NHSL1: variants seen among roughly 807,000 people sequenced by gnomAD.
NHSL1 encodes the protein NHS like 1.
In NHSL1, 48 loss-of-function variants were observed where a neutral mutation model predicts 95.0. The observed-to-expected ratio is 0.51, with a 90% CI of 0.40 to 0.64. The LOEUF (loss-of-function observed/expected upper bound fraction) is 0.64, where lower values mean the gene tolerates loss of function less well. Ranked by LOEUF, NHSL1 falls within the 30% of genes least tolerant of loss-of-function variation. The probability of loss-of-function intolerance (pLI) is 0.00; values close to 1 mark genes in which losing one functional copy is unlikely to be tolerated. For missense variants in NHSL1, 1,971 were observed against 2,077.7 expected, an observed-to-expected ratio of 0.95 and a Z score of 1.00; for synonymous variants, 783 against 833.9, an observed-to-expected ratio of 0.94 and a Z score of 1.05.
At position 138,649,845 on chromosome 6, in the gene NHSL1, C is replaced by T. The variant is rs535004881; in HGVS notation, c.96+42631G>A. ...GCTGACCTACAGGATGGGCTCTGGG[C>T]TGACTGGAGGGGTAGATAGGGTGGG... On this transcript the variant is annotated intron_variant, in intron 1 of 3. Transcript: ENST00000491526. Among the ~76,000 whole-genome samples the T allele has an allele frequency of 2.0e-5, 3 of 152,266 alleles. No homozygotes were observed. The South Asian group carries it at 6.2e-4, about 32-fold the overall frequency.
intron 1 of NHSL1, among the ~76,000 whole-genome samples, chr6:138,621,245 T>C (rs543959745): frequency 8.5e-5 from 13 of 152,334 alleles, no homozygotes; most frequent in Non-Finnish European, 1.5e-4. Flanking sequence ...AAACTGTCTA[T>C]AATAAGTATG....
chr6:138,459,771 A>G (rs574247506), intron 3 of NHSL1, among the ~76,000 whole-genome samples: 45 of 152,322 alleles, frequency 3.0e-4, no homozygotes, highest in Admixed American at 4.6e-4. Context: ...AATGGCCATT[A>G]AATTCTACCA....
At chr6:138,627,124 A>G (rs1352443947) in intron 1 of NHSL1, among the ~76,000 whole-genome samples, 1 of 152,214 alleles carries the variant, frequency 6.6e-6, no homozygotes, top group East Asian at 1.9e-4. Context: ...TCTATGCAAC[A>G]CTGCTCTCTG....
intron 1 of NHSL1, among the ~76,000 whole-genome samples, chr6:138,534,849 A>G (rs143513256): frequency 6.6e-6 from 1 of 152,328 alleles, no homozygotes; most frequent in East Asian, 1.9e-4. Flanking sequence ...GGAGCATCAA[A>G]CAAGAACACG....
chr6:138,527,252 T>C (rs1382085447), intron 1 of NHSL1, among the ~76,000 whole-genome samples: 1 of 146,628 alleles, frequency 6.8e-6, no homozygotes, highest in Non-Finnish European at 1.5e-5. Flanking sequence ...TAAGATTAAG[T>C]ACAGAAGGGA....
At chr6:138,497,744 C>T (rs1185969192) in intron 1 of NHSL1, among the ~76,000 whole-genome samples, 1 of 152,178 alleles carries the variant, frequency 6.6e-6, no homozygotes, top group Non-Finnish European at 1.5e-5. Flanking sequence ...GTCACTGTCT[C>T]TTGTAAACCT....
chr6:138,432,490 A>T lies in NHSL1; in HGVS notation c.1855T>A (p.Ser619Thr), dbSNP rs1431324970. ...ASVHTDSGHG[S>T]GNLCNSSDGF... ...TCACTGCTATTGCACAGATTCCCAG[A>T]TCCATGTCCAGAGTCAGTGTGCACA... Residue 619 changes from serine to threonine, a missense_variant, in exon 6 of 8, where the codon TCT becomes ACT. Physicochemically the swap from Ser to Thr is moderately conservative, Grantham distance 58. Coordinates refer to ENST00000343505, the MANE Select transcript of NHSL1 (RefSeq NM_001144060.2). The surrounding 1 kb of genome is among the most constrained non-coding windows in gnomAD (Gnocchi z 4.4). The T allele has an allele frequency of 1.9e-6, 3 of 1,552,124 alleles. No homozygotes were observed. Among genetic ancestry groups the T allele is most frequent in the East Asian group, 2.4e-5 (1 of 40,930 alleles).
chr6:138,539,984 G>C (rs1782517051), intron 1 of NHSL1, among the ~76,000 whole-genome samples: 1 of 152,212 alleles, frequency 6.6e-6, no homozygotes, highest in Admixed American at 6.5e-5. Flanking sequence ...TCAAGGGAAA[G>C]ACAAAAGAAA....
intron 2 of NHSL1, among the ~76,000 whole-genome samples, chr6:138,489,869 AGAGG>A (rs1158179693): frequency 6.2e-4 from 42 of 67,924 alleles, no homozygotes; most frequent in Non-Finnish European, 1.1e-3. Context: ...AGAGAGAGAG[AGAGG>A]GAGAGAGGGA....
chr6:138,572,921 T>C (rs1275790004), upstream of NHSL1, among the ~76,000 whole-genome samples: 1 of 151,124 alleles, frequency 6.6e-6, no homozygotes, highest in East Asian at 1.9e-4. Flanking sequence ...TTTAGGAATG[T>C]CCATCATTTA....
chr6:138,473,540 C>G, intron 2 of NHSL1, 107 bp from the exon 3 acceptor site: 1 of 1,228,118 alleles, frequency 8.1e-7, no homozygotes, highest in Non-Finnish European at 1.0e-6. Flanking sequence ...TTATATTTTT[C>G]TAGGCATTAA....
At chr6:138,447,758 G>A (rs1055896291) in intron 3 of NHSL1, among the ~76,000 whole-genome samples, 1 of 152,118 alleles carries the variant, frequency 6.6e-6, no homozygotes, top group East Asian at 1.9e-4. Flanking sequence ...AGGCAAAAGA[G>A]TGAGACTGTC....
intron 1 of NHSL1, among the ~76,000 whole-genome samples, chr6:138,667,174 A>C (rs1785306136): frequency 6.6e-6 from 1 of 152,232 alleles, no homozygotes; most frequent in South Asian, 2.1e-4. Flanking sequence ...TATTTCTAAA[A>C]TATGGCAATT....
exon 1 of NHSL1, chr6:138,571,956 A>C: frequency 6.6e-7 from 1 of 1,522,452 alleles, no homozygotes. Flanking sequence ...CCCAGCAAAC[A>C]AAACGCTGGG....
chr6:138,650,429 T>C, intron 1 of NHSL1: 4 of 1,400,666 alleles, frequency 2.9e-6, no homozygotes, highest in Non-Finnish European at 4.0e-6. Context: ...GCATGCTCAC[T>C]GCAATCCCTG....
At chr6:138,537,581 C>G (rs1303132308) in intron 1 of NHSL1, among the ~76,000 whole-genome samples, 1 of 110,626 alleles carries the variant, frequency 9.0e-6, no homozygotes, top group Non-Finnish European at 1.8e-5. Flanking sequence ...ATACCAGCAT[C>G]TTATGTAAGC....
At chr6:138,641,069 C>T (rs1784953686) in intron 1 of NHSL1, among the ~76,000 whole-genome samples, 1 of 152,206 alleles carries the variant, frequency 6.6e-6, no homozygotes, top group Non-Finnish European at 1.5e-5. Context: ...GATTCTTGCC[C>T]CCCTTAGTTG....
intron 1 of NHSL1, among the ~76,000 whole-genome samples, chr6:138,533,630 A>T (rs940425828): frequency 2.0e-5 from 3 of 152,288 alleles, no homozygotes; most frequent in Admixed American, 6.5e-5. Flanking sequence ...TCTGAAAATA[A>T]TTTTTTTCTG....
intron 1 of NHSL1, among the ~76,000 whole-genome samples, chr6:138,669,572 G>A (rs1368048357): frequency 2.0e-5 from 3 of 152,144 alleles, no homozygotes; most frequent in East Asian, 1.9e-4. Flanking sequence ...AGCCACGAGT[G>A]GCCACCCTTC....
Sources: gnomAD v4.1 joint callset for allele counts (sites outside exome capture counted in the v4.1 genomes callset) on GRCh38, gnomAD v4.1.1 for gene constraint, Gnocchi (gnomAD v3.1) non-coding constraint, MANE v1.5 for transcripts, NCBI Gene and HGNC (gene_info 2026-07-23, HGNC 2026-07-21) for gene names.